Variants in ZNF438 observed in about 807,000 individuals in gnomAD.
The protein encoded by ZNF438 is zinc finger protein 438.
In ZNF438, 25 loss-of-function variants were observed where a neutral mutation model predicts 38.0. The observed-to-expected ratio is 0.66, with a 90% confidence interval of 0.48 to 0.92. The LOEUF (loss-of-function observed/expected upper bound fraction) is 0.92. Among genes scored for constraint, ZNF438 ranks in the 40% least tolerant of loss-of-function variants. The probability of loss-of-function intolerance (pLI) is 0.00; values close to 1 mark genes in which losing one functional copy is unlikely to be tolerated. For synonymous variants in ZNF438, 372 were observed against 364.1 expected, an observed-to-expected ratio of 1.02 and a Z score of -0.25; for missense variants, 1,007 against 999.6, an observed-to-expected ratio of 1.01 and a Z score of -0.10.
Position 31,001,421 on chromosome 10 carries a change from T to G in ZNF438, c.-192+30412A>C, listed in dbSNP as rs558172663. Among the ~76,000 whole-genome samples, 3 of 152,244 alleles carry G rather than the reference T, an allele frequency of 2.0e-5. No individual in the cohort carries two copies. In the South Asian group the frequency reaches 6.2e-4, roughly 32 times the overall value. ...TGCAGCTATCCTTAAAAGCCCACATTCTGGGGAGGCCCACCCTATTTCCTG... is the reference window on the plus strand; with the variant it reads ...TGCAGCTATCCTTAAAAGCCCACATGCTGGGGAGGCCCACCCTATTTCCTG... On this transcript the variant is annotated intron_variant, in intron 1 of 5. Transcript: ENST00000413025.
intron 4 of ZNF438, among the ~76,000 whole-genome samples, chr10:30,874,108 GTGTGTGTATATATATATATATA>G (rs1410936322): frequency 0.068 from 7,380 of 108,162 alleles, 343 homozygotes; most frequent in African/African-American, 0.089. Flanking sequence ...GTGGGGGTGT[GTGTGTGTATATATATATATATA>G]TATATATATA....
chr10:30,979,443 C>T (rs1300203780), intron 1 of ZNF438, among the ~76,000 whole-genome samples: 1 of 152,148 alleles, frequency 6.6e-6, no homozygotes, highest in African/African-American at 2.4e-5. Flanking sequence ...AAAAAAGAGC[C>T]TGCATAGCCA....
intron 1 of ZNF438, among the ~76,000 whole-genome samples, chr10:31,015,656 A>C (rs748162621): frequency 2.0e-5 from 3 of 152,190 alleles, no homozygotes; most frequent in Non-Finnish European, 4.4e-5. Flanking sequence ...AAACAAAAAC[A>C]AAAAACAGCA....
At chr10:30,866,890 A>G (rs1316258654) in intron 4 of ZNF438, among the ~76,000 whole-genome samples, 1 of 152,166 alleles carries the variant, frequency 6.6e-6, no homozygotes, top group East Asian at 1.9e-4. Context: ...GATTTTTAAA[A>G]TATCGCACAA....
chr10:30,959,669 A>G (rs1589431797), intron 1 of ZNF438, among the ~76,000 whole-genome samples: 1 of 145,332 alleles, frequency 6.9e-6, no homozygotes, highest in Non-Finnish European at 1.6e-5. Context: ...AATGGCGTGA[A>G]CCCGGGAGGC....
intron 1 of ZNF438, among the ~76,000 whole-genome samples, chr10:30,953,928 G>A (rs890908376): frequency 1.3e-5 from 2 of 152,134 alleles, no homozygotes; most frequent in African/African-American, 4.8e-5. Context: ...TGGATCATGA[G>A]GTCAGGAGTT....
intron 2 of ZNF438, among the ~76,000 whole-genome samples, chr10:30,939,550 A>G (rs2046601674): frequency 6.6e-6 from 1 of 152,222 alleles, no homozygotes; most frequent in African/African-American, 2.4e-5. Flanking sequence ...AGAAAACCCC[A>G]TTTACCATCC....
rs114227975 is a variant in ZNF438 at position 31,018,808 on chromosome 10, T to C, written c.-192+13025A>G. ...CCAGGAACCTAGGCAGAGGGATCTT[T>C]AGGTTCAAGGTAACTGTTGCCATTC... On this transcript the variant is annotated intron_variant, in intron 1 of 5. Coordinates refer to ENST00000413025, the Ensembl canonical transcript of ZNF438. Among the ~76,000 whole-genome samples the C allele has an allele frequency of 4.5e-3, 679 of 152,288 alleles. 10 individuals carry two copies. The highest frequency in any genetic ancestry group is 0.015 in the African/African-American group (633 of 41,552).
At chr10:30,961,548 A>G (rs1679984822) in intron 1 of ZNF438, among the ~76,000 whole-genome samples, 1 of 146,042 alleles carries the variant, frequency 6.8e-6, no homozygotes, top group African/African-American at 2.4e-5. Flanking sequence ...AAAAAGTGCT[A>G]AATTTTAAAT....
intron 1 of ZNF438, among the ~76,000 whole-genome samples, chr10:30,950,267 A>C (rs946304562): frequency 2.0e-5 from 3 of 152,200 alleles, no homozygotes; most frequent in Non-Finnish European, 4.4e-5. Context: ...AGGGAAATTT[A>C]TAGCACTAAA....
At chr10:30,947,497 C>A (rs1263420851) in intron 1 of ZNF438, among the ~76,000 whole-genome samples, 2 of 152,254 alleles carry the variant, frequency 1.3e-5, no homozygotes, top group Non-Finnish European at 2.9e-5. Flanking sequence ...TGCCCTGCCC[C>A]CAGAGGTGGA....
chr10:30,860,156 TTGTAGG>T (rs2035336326), intron 4 of ZNF438, among the ~76,000 whole-genome samples: 1 of 152,218 alleles, frequency 6.6e-6, no homozygotes, highest in East Asian at 1.9e-4. Context: ...ACTTGTTTGA[TTGTAGG>T]TCATCGGACC....
chr10:30,977,973 C>G lies in ZNF438; in HGVS notation c.-191-36322G>C, dbSNP rs148865400. On this transcript the variant is annotated intron_variant, in intron 1 of 5. Transcript: ENST00000413025. ...CTCCAGGCTGGGTGACAGAGCAAGA[C>G]TCCGTCTCCGAAAAAAAAAAAAAGA... Among the ~76,000 whole-genome samples, 590 of 150,024 alleles carry G rather than the reference C, an allele frequency of 3.9e-3. 7 individuals carry two copies. The highest frequency in any genetic ancestry group is 0.014 in the African/African-American group (556 of 40,780).
chr10:30,867,767 T>C (rs552790231), intron 4 of ZNF438, among the ~76,000 whole-genome samples: 1 of 152,306 alleles, frequency 6.6e-6, no homozygotes, highest in African/African-American at 2.4e-5. Flanking sequence ...CTTGAGAATA[T>C]AACATGGCAG....
At chr10:30,972,676 C>A (rs1023151660) in intron 1 of ZNF438, among the ~76,000 whole-genome samples, 2 of 152,134 alleles carry the variant, frequency 1.3e-5, no homozygotes, top group Non-Finnish European at 2.9e-5. Flanking sequence ...CAGGCCTCTA[C>A]TGTTGTCCAA....
chr10:30,916,501 A>G (rs1224269747), intron 2 of ZNF438, among the ~76,000 whole-genome samples: 1 of 151,698 alleles, frequency 6.6e-6, no homozygotes, highest in Non-Finnish European at 1.5e-5. Context: ...CCTTTTTCCC[A>G]TGCCTTCTCT....
rs566485941 is a variant in ZNF438, at chr10:30,948,015, T to G, written c.-191-6364A>C. ...GGGAGCTGTAGACCGGAGCTGTTCC[T>G]ATTCGGCCATCTTGGCTCCTCCGCA... On this transcript the variant is annotated intron_variant, in intron 1 of 5. Coordinates refer to ENST00000413025, the Ensembl canonical transcript of ZNF438. 1.1e-4 allele frequency among the ~76,000 whole-genome samples: 17 copies of G among 149,070 alleles called. No homozygotes were observed. The South Asian group carries it at 3.2e-3, about 28-fold the overall frequency.
At chr10:31,020,769 T>C (rs1391285338) in intron 1 of ZNF438, among the ~76,000 whole-genome samples, 2 of 151,600 alleles carry the variant, frequency 1.3e-5, no homozygotes, top group African/African-American at 2.4e-5. Context: ...ATAATGTTAA[T>C]GTTATATTAT....
chr10:31,013,302 G>A (rs1301743848), intron 1 of ZNF438, among the ~76,000 whole-genome samples: 1 of 151,714 alleles, frequency 6.6e-6, no homozygotes, highest in East Asian at 1.9e-4. Context: ...CTGGGCGACA[G>A]AGCGAGACTC....
Sources: gnomAD v4.1 joint callset for allele counts (sites outside exome capture counted in the v4.1 genomes callset) on GRCh38, gnomAD v4.1.1 for gene constraint, MANE v1.5 for transcripts, NCBI Gene and HGNC (gene_info 2026-07-23, HGNC 2026-07-21) for gene names.